The following IFITM2 variants were observed in gnomAD, a reference collection of about 807,000 sequenced individuals.
IFITM2 encodes interferon induced transmembrane protein 2, also known as interferon-induced transmembrane protein 2.
Under a neutral mutation model 5.9 loss-of-function variants are expected in IFITM2, and 3 were observed. That is an observed-to-expected ratio of 0.51 (90% CI 0.23 to 1.32). IFITM2 has a LOEUF of 1.32. Among genes scored for constraint, IFITM2 ranks in the 40% most tolerant of loss-of-function variants. IFITM2 has a pLI of 0.18. For synonymous variants in IFITM2, 76 were observed against 72.4 expected (o/e 1.05, Z -0.25); for missense variants, 159 against 175.9 (o/e 0.90, Z 0.54).
In IFITM2 at chr11:307,870, G is replaced by C. The variant is rs1310880749; in HGVS notation, c.-323G>C. 3 of 292,690 alleles carry C rather than the reference G, an allele frequency of 1.0e-5. No individual in the cohort carries two copies. The highest frequency in any genetic ancestry group is 5.3e-5 in the South Asian group (1 of 18,892). 18.1% of individuals were successfully genotyped at this position (292,690 alleles called of 1,614,324 possible). A position where few individuals can be genotyped will look rare whatever the true frequency, so the allele number is the denominator to read the frequency against. ...CAGGCCTGGCAGGAGCCCTGAACCG[G>C]GACAGTGAGGTCCTGCAGCTGCTGG... On this transcript the variant is annotated 5_prime_UTR_variant, in exon 1 of 2. Transcript: ENST00000616316.
Position 308,339 on chromosome 11 carries a change from C to T in IFITM2, c.147C>T (p.Ser49=), listed in dbSNP as rs200204702. Residue 49 remains serine, a synonymous_variant, in exon 1 of 2, where the codon AGC becomes AGT. Coordinates refer to ENST00000616316, the MANE Select transcript of IFITM2 (RefSeq NM_006435.3). ...PPMSTVIHIR[S]ETSVPDHVVW... Reference sequence around the variant, plus strand: ...TGTCCACCGTGATCCACATCCGCAGCGAGACCTCCGTGCCTGACCATGTGG... The same window carrying T: ...TGTCCACCGTGATCCACATCCGCAGTGAGACCTCCGTGCCTGACCATGTGG... 457 of 1,613,714 alleles carry T rather than the reference C, an allele frequency of 2.8e-4. 1 individual carries two copies. The highest frequency in any genetic ancestry group is 2.3e-4 in the Non-Finnish European group (276 of 1,179,826).
At chr11:308,973 C>G (rs540531655) in intron 1 of IFITM2, 40 bp from the exon 2 acceptor site, 1 of 1,604,132 alleles carries the variant, frequency 6.2e-7, no homozygotes, top group Admixed American at 1.7e-5. Flanking sequence ...CGGCTCTCAG[C>G]TGGGGGATCC....
chr11:308,096 A>G lies in IFITM2; in HGVS notation c.-97A>G, dbSNP rs1243732186. The G allele has an allele frequency of 8.2e-5, 125 of 1,515,222 alleles. No homozygotes were observed. Among genetic ancestry groups the G allele is most frequent in the Non-Finnish European group, 1.1e-4 (120 of 1,110,224 alleles). 93.9% of individuals were successfully genotyped at this position (1,515,222 alleles called of 1,614,324 possible). A position where few individuals can be genotyped will look rare whatever the true frequency, so the allele number is the denominator to read the frequency against. ...GCCCTGGCCAGCTCTGCATTTGACA[A>G]ATGCCAGGAAGAGGAAACTGTTGAG... is the stretch of plus-strand genomic sequence containing the variant. On this transcript the variant is annotated 5_prime_UTR_variant, in exon 1 of 2. Transcript: ENST00000616316.
chr11:308,344 C>A lies in IFITM2; in HGVS notation c.152C>A (p.Thr51Asn). ...ACCGTGATCCACATCCGCAGCGAGA[C>A]CTCCGTGCCTGACCATGTGGTCTGG... ...MSTVIHIRSE[T>N]SVPDHVVWSL... is the part of the protein sequence containing the mutation. Residue 51 changes from threonine (T) to asparagine (N), a missense_variant, in exon 1 of 2, where the codon ACC (threonine) becomes AAC (asparagine). Coordinates refer to ENST00000616316, the MANE Select transcript of IFITM2 (RefSeq NM_006435.3). 6.2e-7 allele frequency: 1 copy of A among 1,613,800 alleles called. No individual in the cohort carries two copies. Among genetic ancestry groups the A allele is most frequent in the South Asian group, 1.1e-5 (1 of 91,060 alleles).
At position 308,155 on chromosome 11, in the gene IFITM2, T is replaced by C; in HGVS notation, c.-38T>C. The C allele has an allele frequency of 6.2e-7, 1 of 1,605,086 alleles. No homozygotes were observed. Among genetic ancestry groups the C allele is most frequent in the Admixed American group, 1.7e-5 (1 of 59,812 alleles). The stretch of plus-strand genomic sequence containing the variant: ...ACTACTGGGGAAAGGGAGGGCTCAC[T>C]GAGAACCATCCCGGTAACCCGATCA... On this transcript the variant is annotated 5_prime_UTR_variant, in exon 1 of 2. Coordinates refer to ENST00000616316, the MANE Select transcript of IFITM2 (RefSeq NM_006435.3).
chr11:308,243 C>G lies in IFITM2; in HGVS notation c.51C>G (p.Pro17=). The change falls in exon 1 of 2, where the codon CCC becomes CCG. Residue 17 remains proline, a synonymous_variant. Coordinates refer to ENST00000616316, the MANE Select transcript of IFITM2 (RefSeq NM_006435.3). ...CTCCTGTCAACAGCGGCCAGCCTCCCAACTACGAGATGCTCAAGGAGGAGC... is the reference window on the plus strand; with the variant it reads ...CTCCTGTCAACAGCGGCCAGCCTCCGAACTACGAGATGCTCAAGGAGGAGC... ...TFSPVNSGQP[P]NYEMLKEEQE... is the part of the protein sequence containing the mutation. 1 of 1,614,158 alleles carries G rather than the reference C, an allele frequency of 6.2e-7. No individual in the cohort carries two copies. The highest frequency in any genetic ancestry group is 1.7e-5 in the Admixed American group (1 of 60,024).
Position 307,848 on chromosome 11 carries a change from G to T in IFITM2, c.-345G>T, listed in dbSNP as rs1254894745. On this transcript the variant is annotated 5_prime_UTR_variant, in exon 1 of 2. Transcript: ENST00000616316. ...CTGGAGTGTGGAGGCGTCAGCGCAG[G>T]CCTGGCAGGAGCCCTGAACCGGGAC... The T allele has an allele frequency of 7.5e-6, 2 of 265,042 alleles. No individual in the cohort carries two copies. The highest frequency in any genetic ancestry group is 1.4e-4 in the East Asian group (1 of 7,090). The allele number at this position is 265,042 out of a possible 1,614,324, so 16.4% of individuals were successfully genotyped here. A position where few individuals can be genotyped will look rare whatever the true frequency, so the allele number is the denominator to read the frequency against.
chr11:309,244 C>T lies in IFITM2; in HGVS notation c.*79C>T, dbSNP rs1408102990. ...ACTCTATCTTCCATTCCTCGCCCTG[C>T]CCCCAGAGGCCAGGAGCTCTGCCCT... On this transcript the variant is annotated 3_prime_UTR_variant, in exon 2 of 2. Coordinates refer to ENST00000616316, the MANE Select transcript of IFITM2 (RefSeq NM_006435.3). The T allele has an allele frequency of 6.2e-7, 1 of 1,611,240 alleles. No individual in the cohort carries two copies. Among genetic ancestry groups the T allele is most frequent in the South Asian group, 1.1e-5 (1 of 90,686 alleles).
rs1184082059 is a variant in IFITM2, at chr11:307,998, T to C, written c.-195T>C. 2.0e-5 allele frequency: 13 copies of C among 658,334 alleles called. No individual in the cohort carries two copies. The highest frequency in any genetic ancestry group is 3.3e-5 in the Non-Finnish European group (13 of 392,684). The allele number at this position is 658,334 out of a possible 1,614,324, so 40.8% of individuals were successfully genotyped here. A position where few individuals can be genotyped will look rare whatever the true frequency, so the allele number is the denominator to read the frequency against. Reference sequence around the variant, plus strand: ...TTGGGCTCTAGAGAGGAAGCCCCTCTTAGCCCTCAGCCCCTCTTTCCTCCC... The same window carrying C: ...TTGGGCTCTAGAGAGGAAGCCCCTCCTAGCCCTCAGCCCCTCTTTCCTCCC... On this transcript the variant is annotated 5_prime_UTR_variant, in exon 1 of 2. Transcript: ENST00000616316.
rs370638766 is a variant in IFITM2 at position 309,216 on chromosome 11, C to T, written c.*51C>T. 6.1e-4 allele frequency: 981 copies of T among 1,613,896 alleles called. 3 individuals carry two copies. The highest frequency in any genetic ancestry group is 1.6e-3 in the Middle Eastern group (10 of 6,080). ...AGCTCTGCCCGTGACCTGTATCCCA[C>T]GTACTCTATCTTCCATTCCTCGCCC... is the stretch of plus-strand genomic sequence containing the variant. On this transcript the variant is annotated 3_prime_UTR_variant, in exon 2 of 2. Coordinates refer to ENST00000616316, the MANE Select transcript of IFITM2 (RefSeq NM_006435.3).
chr11:309,324 A>C lies in IFITM2; in HGVS notation c.*159A>C. 6.5e-7 allele frequency: 1 copy of C among 1,539,064 alleles called. No homozygotes were observed. ...ATTCCTCGCCCTGTCCCCACAGCCG[A>C]GTCCTGCATCAGCCCTTTATCCTCA... On this transcript the variant is annotated 3_prime_UTR_variant, in exon 2 of 2. Coordinates refer to ENST00000616316, the MANE Select transcript of IFITM2 (RefSeq NM_006435.3).
rs926006990 is a variant in IFITM2 at position 309,066 on chromosome 11, C to T, written c.300C>T (p.Ser100=). 4.3e-6 allele frequency: 7 copies of T among 1,614,228 alleles called. No individual in the cohort carries two copies. Among genetic ancestry groups the T allele is most frequent in the Admixed American group, 1.7e-5 (1 of 60,032 alleles). Residue 100 remains serine (S), a synonymous_variant, in exon 2 of 2, where the codon TCC becomes TCT. Coordinates refer to ENST00000616316, the MANE Select transcript of IFITM2 (RefSeq NM_006435.3). ...GDVTGAQAYA[S]TAKCLNIWAL... is the part of the protein sequence containing the mutation. ...TGACCGGGGCCCAGGCCTATGCCTC[C>T]ACCGCCAAGTGCCTGAACATCTGGG...
chr11:309,345 C>T lies in IFITM2; in HGVS notation c.*180C>T. The T allele has an allele frequency of 1.4e-6, 2 of 1,475,716 alleles. No homozygotes were observed. The highest frequency in any genetic ancestry group is 1.8e-6 in the Non-Finnish European group (2 of 1,092,652). The allele number at this position is 1,475,716 out of a possible 1,614,324, so 91.4% of individuals were successfully genotyped here. Reference sequence around the variant, plus strand: ...GCCGAGTCCTGCATCAGCCCTTTATCCTCACACGCTTTTCTACAATGGCAT... The same window carrying T: ...GCCGAGTCCTGCATCAGCCCTTTATTCTCACACGCTTTTCTACAATGGCAT... On this transcript the variant is annotated 3_prime_UTR_variant, in exon 2 of 2. Coordinates refer to ENST00000616316, the MANE Select transcript of IFITM2 (RefSeq NM_006435.3).
rs112149112 is a variant in IFITM2, at chr11:308,028, C to G, written c.-165C>G. ...CCTCAGCCCCTCTTTCCTCCCTCTC[C>G]TAAAGTAATTTGATCCTCAGGAATT... On this transcript the variant is annotated 5_prime_UTR_variant, in exon 1 of 2. Coordinates refer to ENST00000616316, the MANE Select transcript of IFITM2 (RefSeq NM_006435.3). The G allele has an allele frequency of 5.9e-6, 5 of 848,686 alleles. No individual in the cohort carries two copies. The highest frequency in any genetic ancestry group is 7.3e-6 in the Non-Finnish European group (4 of 544,306). The allele number at this position is 848,686 out of a possible 1,614,324, so 52.6% of individuals were successfully genotyped here. A position where few individuals can be genotyped will look rare whatever the true frequency, so the allele number is the denominator to read the frequency against.
chr11:309,261 C>A lies in IFITM2; in HGVS notation c.*96C>A. 6.2e-7 allele frequency: 1 copy of A among 1,607,702 alleles called. No individual in the cohort carries two copies. The highest frequency in any genetic ancestry group is 8.5e-7 in the Non-Finnish European group (1 of 1,177,070). ...TCGCCCTGCCCCCAGAGGCCAGGAG[C>A]TCTGCCCTTGACCTGTATTCCACTT... On this transcript the variant is annotated 3_prime_UTR_variant, in exon 2 of 2. Coordinates refer to ENST00000616316, the MANE Select transcript of IFITM2 (RefSeq NM_006435.3).
intron 1 of IFITM2, 50 bp downstream of exon 1, chr11:308,488 T>C: frequency 6.2e-7 from 1 of 1,606,286 alleles, no homozygotes. Flanking sequence ...AGCCTGGGGC[T>C]CCACCTGCCC....
In IFITM2 at chr11:308,364, G is replaced by A. The variant is rs773324411; in HGVS notation, c.172G>A (p.Val58Ile). The A allele has an allele frequency of 6.2e-6, 10 of 1,613,722 alleles. No homozygotes were observed. The highest frequency in any genetic ancestry group is 5.0e-5 in the Admixed American group (3 of 60,012). Reference protein sequence around the residue: ...RSETSVPDHVVWSLFNTLFMN... With the variant: ...RSETSVPDHVIWSLFNTLFMN... The stretch of plus-strand genomic sequence containing the variant: ...CGAGACCTCCGTGCCTGACCATGTG[G>A]TCTGGTCCCTGTTCAACACCCTCTT... Residue 58 changes from valine (V) to isoleucine (I), a missense_variant, in exon 1 of 2, where the codon GTC becomes ATC. Physicochemically the swap from Val to Ile is conservative, Grantham distance 29. Coordinates refer to ENST00000616316, the MANE Select transcript of IFITM2 (RefSeq NM_006435.3).
At position 308,547 on chromosome 11, in the gene IFITM2, G is replaced by C; in HGVS notation, c.246+109G>C. On this transcript the variant is annotated intron_variant, in intron 1 of 1. Transcript: ENST00000616316. ...TGTGTGTCCCTGTGACTGTGAGTTT[G>C]TGTGCACGTCTGTCCTGTGTGTGCC... The C allele has an allele frequency of 3.4e-6, 5 of 1,491,552 alleles. No individual in the cohort carries two copies. In the South Asian group the frequency reaches 5.9e-5, roughly 18 times the overall value. The allele number at this position is 1,491,552 out of a possible 1,614,324, so 92.4% of individuals were successfully genotyped here. A position where few individuals can be genotyped will look rare whatever the true frequency, so the allele number is the denominator to read the frequency against.
chr11:308,298 A>G lies in IFITM2; in HGVS notation c.106A>G (p.Asn36Asp). Residue 36 changes from asparagine (N) to aspartate (D), a missense_variant, in exon 1 of 2, where the codon AAC becomes GAC. By Grantham distance (23) the Asn-to-Asp change is conservative (BLOSUM62 1). Coordinates refer to ENST00000616316, the MANE Select transcript of IFITM2 (RefSeq NM_006435.3). ...AGTGGCTATGCTGGGGGTGCCCCAC[A>G]ACCCTGCTCCCCCGATGTCCACCGT... ...QEVAMLGVPH[N>D]PAPPMSTVIH... The G allele has an allele frequency of 6.2e-7, 1 of 1,612,914 alleles. No individual in the cohort carries two copies. Among genetic ancestry groups the G allele is most frequent in the South Asian group, 1.1e-5 (1 of 91,006 alleles).
Sources: gnomAD v4.1 joint callset for allele counts on GRCh38, gnomAD v4.1.1 for gene constraint, MANE v1.5 for transcripts, NCBI Gene and HGNC (gene_info 2026-07-23, HGNC 2026-07-21) for gene names.